Variants in PCDHGA8 observed in about 807,000 individuals in gnomAD.
The protein encoded by PCDHGA8 is protocadherin gamma subfamily A, 8.
PCDHGA8 carries 45 observed loss-of-function variants against 59.2 expected under a neutral mutation model. The observed-to-expected ratio is 0.76, with a 90% CI of 0.60 to 0.98. PCDHGA8 has a LOEUF of 0.98. Among genes scored for constraint, PCDHGA8 ranks in the 50% least tolerant of loss-of-function variants. The pLI is 0.00. For missense variants in PCDHGA8, 1,257 were observed against 1,196.2 expected, an observed-to-expected ratio of 1.05 and a Z score of -0.75; for synonymous variants, 531 against 519.0, an observed-to-expected ratio of 1.02 and a Z score of -0.32.
intron 1 of PCDHGA8, among the ~76,000 whole-genome samples, chr5:141,443,789 A>G (rs1316614117): frequency 6.6e-6 from 1 of 152,234 alleles, no homozygotes; most frequent in East Asian, 1.9e-4. Context: ...GACAAAAAAA[A>G]TGAAAAGGAA....
intron 1 of PCDHGA8, chr5:141,400,525 G>C: frequency 2.5e-6 from 4 of 1,613,908 alleles, no homozygotes; most frequent in Non-Finnish European, 2.5e-6. Flanking sequence ...TCCTGAGTTG[G>C]TGAGTTTCAT....
chr5:141,408,328 C>A, intron 1 of PCDHGA8: 1 of 1,613,910 alleles, frequency 6.2e-7, no homozygotes, highest in South Asian at 1.1e-5. Flanking sequence ...AGGAGCTGGC[C>A]AAGGGCTCGG....
intron 1 of PCDHGA8, chr5:141,404,403 A>C (rs767148207): frequency 6.2e-7 from 1 of 1,613,896 alleles, no homozygotes; most frequent in Admixed American, 1.7e-5. Context: ...AGCAATGAGA[A>C]TTCTAGAGTT....
chr5:141,408,568 G>A (rs1282391205), intron 1 of PCDHGA8: 2 of 1,613,936 alleles, frequency 1.2e-6, no homozygotes, highest in African/African-American at 2.7e-5. Flanking sequence ...TCATTGTGGT[G>A]ATTGAGGATG....
At chr5:141,474,997 A>C (rs2154572220) in intron 1 of PCDHGA8, among the ~76,000 whole-genome samples, 1 of 152,376 alleles carries the variant, frequency 6.6e-6, no homozygotes, top group African/African-American at 2.4e-5. Flanking sequence ...ACAATTCTAA[A>C]TGCAGAAAAG....
intron 1 of PCDHGA8, among the ~76,000 whole-genome samples, chr5:141,460,445 G>A (rs896549154): frequency 7.2e-5 from 11 of 152,144 alleles, no homozygotes; most frequent in Admixed American, 5.9e-4. Flanking sequence ...AGGTAACAAT[G>A]AAGATTCATA....
At chr5:141,468,063 A>G (rs2099157033) in intron 1 of PCDHGA8, among the ~76,000 whole-genome samples, 1 of 152,064 alleles carries the variant, frequency 6.6e-6, no homozygotes, top group South Asian at 2.1e-4. Flanking sequence ...AGTGGCTCAC[A>G]CCTGTAATCC....
intron 1 of PCDHGA8, among the ~76,000 whole-genome samples, chr5:141,474,448 A>G (rs1350019257): frequency 3.3e-5 from 5 of 152,204 alleles, no homozygotes; most frequent in Non-Finnish European, 5.9e-5. Context: ...GTAGCAAGTG[A>G]TTGGGCTATA....
At chr5:141,506,308 G>A (rs941724820) in intron 3 of PCDHGA8, among the ~76,000 whole-genome samples, 8 of 152,100 alleles carry the variant, frequency 5.3e-5, no homozygotes. Flanking sequence ...AATTAGCTGG[G>A]CATGGTGGTG....
intron 1 of PCDHGA8, among the ~76,000 whole-genome samples, chr5:141,462,105 G>A (rs2099031983): frequency 6.6e-6 from 1 of 152,170 alleles, no homozygotes; most frequent in South Asian, 2.1e-4. Flanking sequence ...TTACAGGCAT[G>A]AGCCACTGCA....
At chr5:141,478,493 G>A in intron 1 of PCDHGA8, 1 of 1,613,176 alleles carries the variant, frequency 6.2e-7, no homozygotes, top group Non-Finnish European at 8.5e-7. Flanking sequence ...GCGGAGCTGT[G>A]ATCCGGTGTT....
At position 141,512,644 on chromosome 5, in the gene PCDHGA8, G is replaced by T. The variant is rs1283774989; in HGVS notation, c.*1471G>T. Reference sequence around the variant, plus strand: ...ACCCCAGACCTGCCCTTACAGTAGTGTAGCGCCCCCTCCCTCTTTCGGCTG... The same window carrying T: ...ACCCCAGACCTGCCCTTACAGTAGTTTAGCGCCCCCTCCCTCTTTCGGCTG... On this transcript the variant is annotated 3_prime_UTR_variant, in exon 4 of 4. Coordinates refer to ENST00000398604, the MANE Select transcript of PCDHGA8 (RefSeq NM_032088.2). 1 of 152,528 alleles carries T rather than the reference G, an allele frequency of 6.6e-6. No individual in the cohort carries two copies. The allele number at this position is 152,528 out of a possible 1,614,324, so 9.4% of individuals were successfully genotyped here.
intron 1 of PCDHGA8, chr5:141,419,935 G>T: frequency 6.2e-7 from 1 of 1,614,070 alleles, no homozygotes; most frequent in Non-Finnish European, 8.5e-7. Flanking sequence ...AGTTTTACCT[G>T]GTGGTGGCCT....
chr5:141,421,203 G>T, intron 1 of PCDHGA8: 1 of 1,522,612 alleles, frequency 6.6e-7, no homozygotes, highest in Non-Finnish European at 8.8e-7. Flanking sequence ...TCGAGAAACC[G>T]CGGAATATCG....
Position 141,491,898 on chromosome 5 carries a change from G to C in PCDHGA8, c.2425-2909G>C, listed in dbSNP as rs772673872. 9.0e-5 allele frequency: 129 copies of C among 1,428,816 alleles called. 1 individual carries two copies. In the Middle Eastern group the frequency reaches 2.0e-3, roughly 22 times the overall value. The allele number at this position is 1,428,816 out of a possible 1,614,324, so 88.5% of individuals were successfully genotyped here. On this transcript the variant is annotated intron_variant, in intron 1 of 3. Coordinates refer to ENST00000398604, the MANE Select transcript of PCDHGA8 (RefSeq NM_032088.2). The surrounding 1 kb of genome is among the most constrained non-coding windows in gnomAD (Gnocchi z 6.9). ...ATTAAGGGATGGGGCTCCGAGCACCGGGGGTGGTGGCGACTGTGGGCGAGG... is the reference window on the plus strand; with the variant it reads ...ATTAAGGGATGGGGCTCCGAGCACCCGGGGTGGTGGCGACTGTGGGCGAGG...
intron 1 of PCDHGA8, among the ~76,000 whole-genome samples, chr5:141,426,133 G>A (rs2096916691): frequency 6.6e-6 from 1 of 152,212 alleles, no homozygotes. Context: ...GCCAAGACTT[G>A]GGCTTTCTGC....
At position 141,398,948 on chromosome 5, in the gene PCDHGA8, A is replaced by T. The variant is rs775133149; in HGVS notation, c.2424+3711A>T. The T allele has an allele frequency of 2.5e-6, 4 of 1,613,958 alleles. No homozygotes were observed. The South Asian group carries it at 3.3e-5, about 13-fold the overall frequency. On this transcript the variant is annotated intron_variant, in intron 1 of 3. Transcript: ENST00000398604. The stretch of plus-strand genomic sequence containing the variant: ...GCCACTGACCAAGACGAGGGCATCA[A>T]CTCAGAAATTACTTATTCCTTCTAC...
At chr5:141,500,840 C>T (rs1394248251) in intron 2 of PCDHGA8, among the ~76,000 whole-genome samples, 1 of 151,966 alleles carries the variant, frequency 6.6e-6, no homozygotes, top group Non-Finnish European at 1.5e-5. Flanking sequence ...TGCTAATGGG[C>T]TTTTGCTACA....
intron 1 of PCDHGA8, among the ~76,000 whole-genome samples, chr5:141,472,243 T>A (rs1276064128): frequency 6.6e-6 from 1 of 152,190 alleles, no homozygotes; most frequent in East Asian, 1.9e-4. Context: ...TCACTTTCTA[T>A]TTTAAAGTTA....
Sources: allele counts gnomAD v4.1 joint callset (sites outside exome capture counted in the v4.1 genomes callset), GRCh38; gene constraint gnomAD v4.1.1; non-coding constraint Gnocchi (gnomAD v3.1); transcripts MANE v1.5; gene names NCBI Gene and HGNC (gene_info 2026-07-23, HGNC 2026-07-21).